LEF1: variants seen among roughly 807,000 people sequenced by gnomAD.
LEF1 encodes the protein lymphoid enhancer-binding factor 1.
A neutral mutation model predicts 51.2 loss-of-function variants in LEF1; 14 were observed. That is an observed-to-expected ratio of 0.27 (90% confidence interval 0.18 to 0.43). The LOEUF is 0.43. Ranked by LOEUF, LEF1 falls within the 20% of genes least tolerant of loss-of-function variation. The pLI is 1.00. For missense variants in LEF1, 386 were observed against 512.0 expected (o/e 0.75, Z 2.37); for synonymous variants, 185 against 183.2 (o/e 1.01, Z -0.08).
At chr4:108,158,275 A>G (rs1467652385) in intron 3 of LEF1, among the ~76,000 whole-genome samples, 1 of 152,202 alleles carries the variant, frequency 6.6e-6, no homozygotes, top group African/African-American at 2.4e-5. Flanking sequence ...TAAATAAGTA[A>G]GGACATGTAA....
intron 3 of LEF1, among the ~76,000 whole-genome samples, chr4:108,096,007 T>A (rs1167854427): frequency 6.6e-6 from 1 of 152,198 alleles, no homozygotes; most frequent in Non-Finnish European, 1.5e-5. Context: ...AAGTACTCCA[T>A]TAATTTTTCA....
At chr4:108,102,069 A>C (rs1314067265) in intron 3 of LEF1, among the ~76,000 whole-genome samples, 1 of 152,020 alleles carries the variant, frequency 6.6e-6, no homozygotes, top group Non-Finnish European at 1.5e-5. Flanking sequence ...GTCTCAAAAA[A>C]AAAAAAAAAA....
At chr4:108,110,468 T>G (rs142397206) in intron 3 of LEF1, among the ~76,000 whole-genome samples, 1 of 152,306 alleles carries the variant, frequency 6.6e-6, no homozygotes, top group East Asian at 1.9e-4. Context: ...GAGATTGAAT[T>G]TTTATGGATA....
intron 3 of LEF1, among the ~76,000 whole-genome samples, chr4:108,154,213 T>C (rs897198008): frequency 6.6e-6 from 1 of 152,164 alleles, no homozygotes; most frequent in African/African-American, 2.4e-5. Flanking sequence ...ATGAATTTAA[T>C]AAGTACTTTG....
intron 9 of LEF1, among the ~76,000 whole-genome samples, chr4:108,069,952 T>C (rs2342290): frequency 0.85 from 126,039 of 148,602 alleles, 54,445 homozygotes; most frequent in East Asian, 0.97. Flanking sequence ...AGTGAGATTC[T>C]GTCTCAAAAA....
chr4:108,083,398 A>C lies in LEF1; in HGVS notation c.596T>G (p.Leu199Trp). ...PAPDIPTFYP[L>W]SPGGVGQITP... ...GATCTGTCCAACACCACCCGGAGAC[A>C]AGGGATAAAAAGTAGGGATATCAGG... Residue 199 changes from leucine to tryptophan, a missense_variant, in exon 5 of 12, where the codon TTG becomes TGG. Leu to Trp is a moderately conservative substitution (Grantham distance 61). Transcript: ENST00000265165. 6.2e-7 allele frequency: 1 copy of C among 1,613,928 alleles called. No homozygotes were observed. Among genetic ancestry groups the C allele is most frequent in the African/African-American group, 1.3e-5 (1 of 75,058 alleles).
intron 3 of LEF1, chr4:108,104,794 G>T: frequency 2.1e-6 from 1 of 469,804 alleles, no homozygotes; most frequent in Non-Finnish European, 2.8e-6. Flanking sequence ...TCTCTCTGGA[G>T]TTCCATAAAT....
intron 3 of LEF1, 53 bp downstream of exon 3, chr4:108,163,515 A>T: frequency 6.3e-7 from 1 of 1,581,448 alleles, no homozygotes; most frequent in Non-Finnish European, 8.6e-7. Flanking sequence ...CTGCCAAAAT[A>T]CAAATCAATT....
At chr4:108,087,286 T>A (rs1739714545) in intron 4 of LEF1, among the ~76,000 whole-genome samples, 1 of 152,136 alleles carries the variant, frequency 6.6e-6, no homozygotes, top group South Asian at 2.1e-4. Flanking sequence ...GATCTTTTTT[T>A]AAAACAAGCA....
At chr4:108,109,387 A>G (rs1410672711) in intron 3 of LEF1, among the ~76,000 whole-genome samples, 1 of 152,230 alleles carries the variant, frequency 6.6e-6, no homozygotes, top group Non-Finnish European at 1.5e-5. Context: ...AAGGTGATTA[A>G]GCATGAACTC....
intron 3 of LEF1, among the ~76,000 whole-genome samples, chr4:108,116,212 A>G (rs1741834698): frequency 6.6e-6 from 1 of 152,106 alleles, no homozygotes; most frequent in African/African-American, 2.4e-5. Context: ...CAGGAAAGAG[A>G]AACAGTAAGC....
chr4:108,082,220 A>T (rs1377612470), intron 5 of LEF1, among the ~76,000 whole-genome samples: 1 of 152,164 alleles, frequency 6.6e-6, no homozygotes, highest in African/African-American at 2.4e-5. Flanking sequence ...TGAGAAGTCC[A>T]TTTTTTCCCT....
intron 9 of LEF1, among the ~76,000 whole-genome samples, chr4:108,066,582 C>A (rs546278721): frequency 1.3e-5 from 2 of 152,294 alleles, no homozygotes; most frequent in East Asian, 1.9e-4. Flanking sequence ...ACCAACTGAG[C>A]CTGCACCGTT....
intron 3 of LEF1, among the ~76,000 whole-genome samples, chr4:108,142,200 G>C (rs747970485): frequency 6.6e-6 from 1 of 152,184 alleles, no homozygotes; most frequent in Admixed American, 6.5e-5. Flanking sequence ...GACCTGTCCC[G>C]CGCCCTTACC....
At chr4:108,125,146 C>CTTTA (rs957271131) in intron 3 of LEF1, among the ~76,000 whole-genome samples, 7 of 151,942 alleles carry the variant, frequency 4.6e-5, no homozygotes, top group South Asian at 4.2e-4. Flanking sequence ...ATCTGTGTAC[C>CTTTA]TTTATTTATT....
At chr4:108,153,405 T>C (rs774284013) in intron 3 of LEF1, among the ~76,000 whole-genome samples, 3 of 152,222 alleles carry the variant, frequency 2.0e-5, no homozygotes, top group Non-Finnish European at 2.9e-5. Context: ...ACAGTTGGTA[T>C]TATACTGCCT....
chr4:108,078,138 G>C, intron 8 of LEF1, 82 bp downstream of exon 8: 1 of 1,283,890 alleles, frequency 7.8e-7, no homozygotes. Flanking sequence ...ATGACCACCT[G>C]ATATGGGATT....
chr4:108,062,304 T>C (rs1737747771), intron 11 of LEF1, among the ~76,000 whole-genome samples: 1 of 152,226 alleles, frequency 6.6e-6, no homozygotes, highest in African/African-American at 2.4e-5. Flanking sequence ...CCAAATGAGC[T>C]GCAGTAAACA....
chr4:108,161,884 G>C (rs956540308), intron 3 of LEF1, among the ~76,000 whole-genome samples: 1 of 152,010 alleles, frequency 6.6e-6, no homozygotes, highest in African/African-American at 2.4e-5. Context: ...TTCTGAAAAT[G>C]ATTTAACAGG....
Sources: gnomAD v4.1 joint callset for allele counts (sites outside exome capture counted in the v4.1 genomes callset) on GRCh38, gnomAD v4.1.1 for gene constraint, MANE v1.5 for transcripts, NCBI Gene and HGNC (gene_info 2026-07-23, HGNC 2026-07-21) for gene names.